AKAP6: variants seen among roughly 807,000 people sequenced by gnomAD.
AKAP6 encodes A-kinase anchoring protein 6, also known as A-kinase anchor protein 6.
In AKAP6, 58 loss-of-function variants were observed where a neutral mutation model predicts 188.5. The observed-to-expected ratio is 0.31, with a 90% confidence interval of 0.25 to 0.38. AKAP6 has a LOEUF of 0.38. Ranked by LOEUF, AKAP6 falls within the 10% of genes least tolerant of loss-of-function variation. The pLI is 1.00. For synonymous variants in AKAP6, 989 were observed against 998.6 expected (o/e 0.99, Z 0.18); for missense variants, 2,710 against 2,740.0 (o/e 0.99, Z 0.24).
chr14:32,480,215 T>A (rs1185810582), intron 2 of AKAP6, among the ~76,000 whole-genome samples: 1 of 152,150 alleles, frequency 6.6e-6, no homozygotes, highest in Non-Finnish European at 1.5e-5. Flanking sequence ...TATCAGATAT[T>A]TAGAAGAAGC....
At position 32,453,575 on chromosome 14, in the gene AKAP6, C is replaced by CTTTTTTTTTT. The variant is rs71115071; in HGVS notation, c.324+19788_324+19797dup. Among the ~76,000 whole-genome samples, 160 of 95,334 alleles carry CTTTTTTTTTT rather than the reference C, an allele frequency of 1.7e-3. 24 individuals carry two copies. The highest frequency in any genetic ancestry group is 3.6e-3 in the South Asian group (8 of 2,248). The allele number at this position is 95,334 out of a possible 152,430, so 62.5% of individuals were successfully genotyped here. A position where few individuals can be genotyped will look rare whatever the true frequency, so the allele number is the denominator to read the frequency against. On this transcript the variant is annotated intron_variant, in intron 2 of 13. Transcript: ENST00000280979. ...GTGGAGATAATAGAATTTTTCTTTT[C>CTTTTTTTTTT]TTTTTTTTTTTTTTTTTTTTTTTTT...
intron 12 of AKAP6, among the ~76,000 whole-genome samples, chr14:32,784,562 A>C (rs2033346749): frequency 6.6e-6 from 1 of 152,174 alleles, no homozygotes; most frequent in Admixed American, 6.5e-5. Flanking sequence ...ATCCCTCTAA[A>C]AAGCCATGTG....
At chr14:32,658,031 C>A (rs532349243) in intron 7 of AKAP6, among the ~76,000 whole-genome samples, 2 of 151,888 alleles carry the variant, frequency 1.3e-5, no homozygotes, top group Non-Finnish European at 2.9e-5. Flanking sequence ...AACAAGGCAA[C>A]GTAGATTGTT....
intron 2 of AKAP6, among the ~76,000 whole-genome samples, chr14:32,508,797 A>G (rs1881002065): frequency 6.6e-6 from 1 of 151,510 alleles, no homozygotes. Context: ...TTATCTGATT[A>G]CTCTTCATTC....
Position 32,675,916 on chromosome 14 carries a change from A to G in AKAP6, c.2731-2395A>G, listed in dbSNP as rs538247246. The stretch of plus-strand genomic sequence containing the variant: ...AGAATTACAGAGATGAATGCAGATT[A>G]TTTTTCTGTAATGGTGTTGAGTCTA... On this transcript the variant is annotated intron_variant, in intron 7 of 13. Transcript: ENST00000280979. Among the ~76,000 whole-genome samples, 68 of 152,198 alleles carry G rather than the reference A, an allele frequency of 4.5e-4. 1 individual carries two copies. The highest frequency in any genetic ancestry group is 4.4e-3 in the Admixed American group (68 of 15,284).
chr14:32,663,028 G>A (rs1225958357), intron 7 of AKAP6, among the ~76,000 whole-genome samples: 3 of 151,888 alleles, frequency 2.0e-5, no homozygotes, highest in Admixed American at 6.6e-5. Context: ...CCTCAATGGC[G>A]GCATGTTTTT....
At chr14:32,818,417 C>T (rs1432693762) in intron 12 of AKAP6, among the ~76,000 whole-genome samples, 1 of 152,028 alleles carries the variant, frequency 6.6e-6, no homozygotes, top group African/African-American at 2.4e-5. Flanking sequence ...AACCTACAGT[C>T]ATCCTCTCTC....
chr14:32,458,955 C>T lies in AKAP6; in HGVS notation c.324+25138C>T, dbSNP rs944457728. Among the ~76,000 whole-genome samples the T allele has an allele frequency of 3.9e-5, 6 of 152,106 alleles. No homozygotes were observed. In the East Asian group the frequency reaches 5.8e-4, roughly 15 times the overall value. Reference sequence around the variant, plus strand: ...AAGTATGGGTGGGAGGAAAGACATTCGTAATAGCCCCAAACTAGAAACAAC... The same window carrying T: ...AAGTATGGGTGGGAGGAAAGACATTTGTAATAGCCCCAAACTAGAAACAAC... On this transcript the variant is annotated intron_variant, in intron 2 of 13. Transcript: ENST00000280979.
chr14:32,690,992 G>T (rs1041320039), intron 8 of AKAP6, among the ~76,000 whole-genome samples: 4 of 152,114 alleles, frequency 2.6e-5, no homozygotes, highest in Admixed American at 2.0e-4. Flanking sequence ...TATTCATAGA[G>T]TATTACAATG....
intron 1 of AKAP6, among the ~76,000 whole-genome samples, chr14:32,355,988 A>G (rs992399626): frequency 5.9e-5 from 9 of 152,200 alleles, no homozygotes; most frequent in African/African-American, 1.9e-4. Flanking sequence ...CATGTTGCCC[A>G]GGCTGATCTC....
chr14:32,735,894 AC>A lies in AKAP6; in HGVS notation c.3372+13del, dbSNP rs775849300. On this transcript the variant is annotated intron_variant, in intron 11 of 13. Transcript: ENST00000280979. ...TGCAATACTTTAAGGTAATAAAAAA[AC>A]AATCAAAGTTGATAAAAAGCTCTTT... 2.7e-5 allele frequency: 43 copies of A among 1,565,442 alleles called. No homozygotes were observed. Among genetic ancestry groups the A allele is most frequent in the South Asian group, 1.8e-4 (15 of 84,300 alleles).
chr14:32,529,753 C>A (rs1284193309), intron 2 of AKAP6, among the ~76,000 whole-genome samples: 1 of 152,058 alleles, frequency 6.6e-6, no homozygotes, highest in Non-Finnish European at 1.5e-5. Context: ...TTTTGATAGT[C>A]AACTGAAGAT....
chr14:32,664,181 TA>T (rs1228190171), intron 7 of AKAP6, among the ~76,000 whole-genome samples: 1 of 152,166 alleles, frequency 6.6e-6, no homozygotes, highest in African/African-American at 2.4e-5. Flanking sequence ...TTGTATTTTT[TA>T]AGTCTCCTCT....
At chr14:32,348,660 A>G (rs7146562) in intron 1 of AKAP6, among the ~76,000 whole-genome samples, 40,819 of 151,666 alleles carry the variant, frequency 0.27, 5,607 homozygotes, top group East Asian at 0.4. Flanking sequence ...TGATCCACCC[A>G]TGTTGGCCTC....
intron 2 of AKAP6, among the ~76,000 whole-genome samples, chr14:32,524,777 G>A (rs1882037528): frequency 6.6e-6 from 1 of 152,220 alleles, no homozygotes; most frequent in Non-Finnish European, 1.5e-5. Context: ...CTTGCACGTA[G>A]TTCCCACTTC....
intron 2 of AKAP6, among the ~76,000 whole-genome samples, chr14:32,522,349 A>G (rs928641008): frequency 3.9e-5 from 6 of 152,138 alleles, no homozygotes; most frequent in African/African-American, 1.4e-4. Flanking sequence ...GGATCTAATT[A>G]AACTAAAGAG....
intron 1 of AKAP6, among the ~76,000 whole-genome samples, chr14:32,356,179 T>A (rs1456492490): frequency 1.3e-5 from 2 of 152,200 alleles, no homozygotes; most frequent in African/African-American, 4.8e-5. Flanking sequence ...AACATATTTT[T>A]TTCCCCTTCA....
chr14:32,734,311 G>A (rs2031317300), intron 10 of AKAP6: 2 of 152,114 alleles, frequency 1.3e-5, no homozygotes, highest in Admixed American at 1.3e-4. Flanking sequence ...TTCATCTAAG[G>A]TGAACAGTGT....
At chr14:32,661,234 A>G (rs1888687003) in intron 7 of AKAP6, among the ~76,000 whole-genome samples, 1 of 152,062 alleles carries the variant, frequency 6.6e-6, no homozygotes, top group Non-Finnish European at 1.5e-5. Flanking sequence ...AGGACCTCCT[A>G]TAAATCCTAC....
Sources: gnomAD v4.1 joint callset for allele counts (sites outside exome capture counted in the v4.1 genomes callset) on GRCh38, gnomAD v4.1.1 for gene constraint, MANE v1.5 for transcripts, NCBI Gene and HGNC (gene_info 2026-07-23, HGNC 2026-07-21) for gene names.